Variants in ULK4 observed in about 807,000 individuals in gnomAD.
ULK4 encodes unc-51 like kinase 4.
A neutral mutation model predicts 160.6 loss-of-function variants in ULK4; 133 were observed. The observed-to-expected ratio is 0.83, with a 90% CI of 0.72 to 0.96. The LOEUF (loss-of-function observed/expected upper bound fraction) is 0.96. ULK4 is among the 40% of genes least tolerant of loss of function. The pLI, the probability that ULK4 is intolerant of heterozygous loss-of-function variation, is 0.00. For missense variants in ULK4, 1,580 were observed against 1,499.5 expected (o/e 1.05, Z -0.89); for synonymous variants, 534 against 539.8 (o/e 0.99, Z 0.15).
At chr3:41,886,562 T>C (rs930710379) in intron 16 of ULK4, among the ~76,000 whole-genome samples, 2 of 151,544 alleles carry the variant, frequency 1.3e-5, no homozygotes, top group African/African-American at 4.9e-5. Context: ...GTACAGAAGA[T>C]ATAAAATGTG....
intron 1 of ULK4, among the ~76,000 whole-genome samples, chr3:41,957,316 T>C (rs921508878): frequency 6.6e-6 from 1 of 151,818 alleles, no homozygotes; most frequent in Non-Finnish European, 1.5e-5. Context: ...TAGCCAGGCA[T>C]GGTGGCACAC....
intron 27 of ULK4, among the ~76,000 whole-genome samples, chr3:41,696,444 T>C (rs1364610036): frequency 6.6e-6 from 1 of 152,166 alleles, no homozygotes; most frequent in East Asian, 1.9e-4. Context: ...CCACGTGACC[T>C]TACCTATCAT....
intron 2 of ULK4, among the ~76,000 whole-genome samples, chr3:41,938,958 T>C (rs951975768): frequency 6.6e-6 from 1 of 152,114 alleles, no homozygotes; most frequent in Non-Finnish European, 1.5e-5. Flanking sequence ...ACCTAACTAC[T>C]CAATAACACA....
At chr3:41,425,111 C>T (rs757927338) in intron 34 of ULK4, among the ~76,000 whole-genome samples, 9 of 151,962 alleles carry the variant, frequency 5.9e-5, no homozygotes, top group East Asian at 3.9e-4. Flanking sequence ...AATGAACAGA[C>T]GGAGCTGAAA....
At chr3:41,389,521 C>T (rs1412573078) in intron 35 of ULK4, among the ~76,000 whole-genome samples, 3 of 152,114 alleles carry the variant, frequency 2.0e-5, no homozygotes, top group African/African-American at 7.2e-5. Flanking sequence ...TCATAGATAG[C>T]TCTTATTATT....
At chr3:41,674,437 A>C (rs2035638240) in intron 29 of ULK4, among the ~76,000 whole-genome samples, 1 of 152,204 alleles carries the variant, frequency 6.6e-6, no homozygotes, top group Non-Finnish European at 1.5e-5. Context: ...CTTGTCTCTC[A>C]GCTGAATAAA....
At position 41,681,786 on chromosome 3, in the gene ULK4, G is replaced by T; in HGVS notation, c.2800C>A (p.Pro934Thr). 1 of 1,613,962 alleles carries T rather than the reference G, an allele frequency of 6.2e-7. No homozygotes were observed. Among genetic ancestry groups the T allele is most frequent in the Non-Finnish European group, 8.5e-7 (1 of 1,179,928 alleles). The change falls in exon 28 of 37, where the codon CCA (proline) becomes ACA (threonine). Residue 934 changes from proline (P) to threonine (T), a missense_variant. By Grantham distance (38) the Pro-to-Thr change is conservative. Transcript: ENST00000301831. Reference protein sequence around the residue: ...YRSTVVDYILPPLVSLVQSQN... With the variant: ...YRSTVVDYILTPLVSLVQSQN... ...CTTTGAACCAAGGACACCAAGGGTGGCAGTATATAGTCAACAACCTAAAAG... is the reference window on the plus strand; with the variant it reads ...CTTTGAACCAAGGACACCAAGGGTGTCAGTATATAGTCAACAACCTAAAAG...
At chr3:41,637,577 A>T (rs560287390) in intron 30 of ULK4, among the ~76,000 whole-genome samples, 23 of 152,338 alleles carry the variant, frequency 1.5e-4, no homozygotes, top group Non-Finnish European at 2.9e-4. Context: ...TTGCTGGAAC[A>T]CATGGCAGCT....
At position 41,910,550 on chromosome 3, in the gene ULK4, C is replaced by T. The variant is rs193142877; in HGVS notation, c.1085+767G>A. Among the ~76,000 whole-genome samples the T allele has an allele frequency of 3.4e-3, 513 of 151,776 alleles. 2 individuals are homozygous for T. Among genetic ancestry groups the T allele is most frequent in the African/African-American group, 0.011 (466 of 41,382 alleles). ...GGTGGAGGCTGCAGTGAGCCAAGAT[C>T]GCACCACTGCACTCTAGCCTGGACA... On this transcript the variant is annotated intron_variant, in intron 11 of 36. Coordinates refer to ENST00000301831, the MANE Select transcript of ULK4 (RefSeq NM_017886.4).
intron 17 of ULK4, among the ~76,000 whole-genome samples, chr3:41,856,625 A>G (rs1400668241): frequency 3.9e-5 from 5 of 127,634 alleles, no homozygotes; most frequent in Non-Finnish European, 6.3e-5. Context: ...ACACATATAT[A>G]TATATGTATA....
At chr3:41,658,739 A>ACACACACACACACTCT (rs773048998) in intron 30 of ULK4, among the ~76,000 whole-genome samples, 214 of 151,880 alleles carry the variant, frequency 1.4e-3, no homozygotes, top group Admixed American at 2.7e-3. Flanking sequence ...ACACACACAC[A>ACACACACACACACTCT]CACACACACA....
chr3:41,259,823 CCAGTT>C (rs1197260079), intron 35 of ULK4: 1 of 152,068 alleles, frequency 6.6e-6, no homozygotes, highest in Non-Finnish European at 1.5e-5. Flanking sequence ...AAAAGGAAGT[CCAGTT>C]AACTTTTGCT....
intron 21 of ULK4, among the ~76,000 whole-genome samples, chr3:41,775,180 C>A (rs978817337): frequency 6.7e-6 from 1 of 149,408 alleles, no homozygotes; most frequent in Non-Finnish European, 1.5e-5. Flanking sequence ...ATGTAACAAA[C>A]GTGCACGTTG....
At chr3:41,937,381 C>G in intron 3 of ULK4, 1 of 674,040 alleles carries the variant, frequency 1.5e-6, no homozygotes, top group Non-Finnish European at 2.7e-6. Context: ...GTTATTAATC[C>G]AAATTACTTC....
At chr3:41,265,004 A>G (rs1335065438) in intron 35 of ULK4, among the ~76,000 whole-genome samples, 1 of 152,228 alleles carries the variant, frequency 6.6e-6, no homozygotes, top group Non-Finnish European at 1.5e-5. Flanking sequence ...ACAGGCCCTC[A>G]GAGAAACCAC....
At chr3:41,669,416 G>C (rs996717023) in intron 29 of ULK4, among the ~76,000 whole-genome samples, 1 of 151,984 alleles carries the variant, frequency 6.6e-6, no homozygotes, top group African/African-American at 2.4e-5. Flanking sequence ...ATAGGCTCAT[G>C]CAAACTAATT....
intron 32 of ULK4, among the ~76,000 whole-genome samples, chr3:41,534,783 C>T (rs1474366928): frequency 6.6e-6 from 1 of 152,140 alleles, no homozygotes; most frequent in African/African-American, 2.4e-5. Flanking sequence ...CTTAGAACTA[C>T]ACCTTACACT....
chr3:41,487,736 A>C (rs1477444157), intron 32 of ULK4, among the ~76,000 whole-genome samples: 1 of 152,232 alleles, frequency 6.6e-6, no homozygotes, highest in East Asian at 1.9e-4. Context: ...CAAGTGTGAA[A>C]GGTTACCAGA....
In ULK4 at chr3:41,266,851, C is replaced by T. The variant is rs138254204; in HGVS notation, c.3679-17277G>A. Among the ~76,000 whole-genome samples the T allele has an allele frequency of 6.0e-3, 906 of 152,196 alleles. 11 individuals carry two copies. Among genetic ancestry groups the T allele is most frequent in the African/African-American group, 0.021 (868 of 41,510 alleles). ...TGCTTCATCCAAACAGCCTCCTTTACTTCCATGGTCCCTTAAAACCACTTT... is the reference window on the plus strand; with the variant it reads ...TGCTTCATCCAAACAGCCTCCTTTATTTCCATGGTCCCTTAAAACCACTTT... On this transcript the variant is annotated intron_variant, in intron 35 of 36. Transcript: ENST00000301831.
Sources: gnomAD v4.1 joint callset for allele counts (sites outside exome capture counted in the v4.1 genomes callset) on GRCh38, gnomAD v4.1.1 for gene constraint, MANE v1.5 for transcripts, NCBI Gene and HGNC (gene_info 2026-07-23, HGNC 2026-07-21) for gene names.